Variants in SGCZ observed in about 807,000 individuals in gnomAD.
SGCZ encodes sarcoglycan zeta.
In SGCZ, 40 loss-of-function variants were observed where a neutral mutation model predicts 41.3. That is an observed-to-expected ratio of 0.97 (90% confidence interval 0.75 to 1.26). SGCZ has a LOEUF of 1.26. SGCZ is among the 50% of genes most tolerant of loss of function. The probability of loss-of-function intolerance (pLI) is 0.00; values close to 1 mark genes in which losing one functional copy is unlikely to be tolerated. For synonymous variants in SGCZ, 206 were observed against 137.5 expected (o/e 1.50, Z -3.49); for missense variants, 552 against 369.8 (o/e 1.49, Z -4.04).
chr8:14,118,452 T>C (rs1802593029), intron 5 of SGCZ, among the ~76,000 whole-genome samples: 1 of 152,226 alleles, frequency 6.6e-6, no homozygotes, highest in Non-Finnish European at 1.5e-5. Context: ...TTGTAGATTC[T>C]GGATATTAGC....
chr8:15,116,411 T>C (rs1012696153), intron 1 of SGCZ, among the ~76,000 whole-genome samples: 47 of 152,272 alleles, frequency 3.1e-4, no homozygotes, highest in African/African-American at 9.6e-4. Flanking sequence ...AATTCAAACA[T>C]AGATGTATTC....
At chr8:14,441,304 C>G (rs891962231) in intron 2 of SGCZ, among the ~76,000 whole-genome samples, 1 of 152,196 alleles carries the variant, frequency 6.6e-6, no homozygotes, top group Non-Finnish European at 1.5e-5. Flanking sequence ...TGGCCGGGGA[C>G]AGTGGCTCAC....
rs117348583 is a variant in SGCZ at position 14,762,061 on chromosome 8, G to A, written c.40-207135C>T. Among the ~76,000 whole-genome samples, 23 of 152,268 alleles carry A rather than the reference G, an allele frequency of 1.5e-4. No homozygotes were observed. In the East Asian group the frequency reaches 4.4e-3, roughly 29 times the overall value. On this transcript the variant is annotated intron_variant, in intron 1 of 7. Coordinates refer to ENST00000382080, the MANE Select transcript of SGCZ (RefSeq NM_139167.4). Reference sequence around the variant, plus strand: ...GTGTTGTGAATGAATAGCAAATTGAGACAGATGCCACATTGACATGGAACT... The same window carrying A: ...GTGTTGTGAATGAATAGCAAATTGAAACAGATGCCACATTGACATGGAACT...
chr8:14,171,076 A>G (rs1294039934), intron 4 of SGCZ, among the ~76,000 whole-genome samples: 1 of 150,972 alleles, frequency 6.6e-6, no homozygotes, highest in Admixed American at 6.6e-5. Context: ...TTGCAAACCC[A>G]TTTCTTGAAA....
intron 2 of SGCZ, among the ~76,000 whole-genome samples, chr8:14,494,385 A>C (rs1411378444): frequency 6.6e-6 from 1 of 152,150 alleles, no homozygotes; most frequent in Non-Finnish European, 1.5e-5. Context: ...GAGTGACAGA[A>C]TGTCAGAATC....
At chr8:14,603,099 G>C (rs537509792) in intron 1 of SGCZ, among the ~76,000 whole-genome samples, 2 of 152,234 alleles carry the variant, frequency 1.3e-5, no homozygotes, top group East Asian at 3.9e-4. Flanking sequence ...CATTGTGAAG[G>C]AGCTAGGTGG....
chr8:14,207,363 C>A (rs1805650186), intron 4 of SGCZ, among the ~76,000 whole-genome samples: 1 of 152,132 alleles, frequency 6.6e-6, no homozygotes, highest in African/African-American at 2.4e-5. Context: ...CATATTCTGC[C>A]ATGACAGAGT....
chr8:14,262,127 A>G (rs1177540247), intron 3 of SGCZ, among the ~76,000 whole-genome samples: 1 of 152,152 alleles, frequency 6.6e-6, no homozygotes, highest in East Asian at 1.9e-4. Context: ...AAATGACTAT[A>G]TTTACTGATA....
intron 1 of SGCZ, among the ~76,000 whole-genome samples, chr8:15,121,002 T>A (rs1235231387): frequency 1.3e-5 from 2 of 152,228 alleles, no homozygotes; most frequent in Non-Finnish European, 2.9e-5. Flanking sequence ...ATTTCATTTA[T>A]CTGAACACAT....
At chr8:15,100,779 T>G (rs1021830071) in intron 1 of SGCZ, among the ~76,000 whole-genome samples, 1 of 152,032 alleles carries the variant, frequency 6.6e-6, no homozygotes, top group Non-Finnish European at 1.5e-5. Flanking sequence ...CCCCAGAAAT[T>G]CAAGTCCGGC....
At chr8:14,757,748 A>G (rs1799725148) in intron 1 of SGCZ, among the ~76,000 whole-genome samples, 1 of 152,218 alleles carries the variant, frequency 6.6e-6, no homozygotes, top group Non-Finnish European at 1.5e-5. Flanking sequence ...TACTTTGTTA[A>G]TAAACCTTAA....
intron 2 of SGCZ, among the ~76,000 whole-genome samples, chr8:14,386,348 G>A (rs1197273854): frequency 6.6e-6 from 1 of 150,838 alleles, no homozygotes; most frequent in Non-Finnish European, 1.5e-5. Flanking sequence ...CTATGAAAGA[G>A]AAATACACAT....
intron 7 of SGCZ, among the ~76,000 whole-genome samples, chr8:14,095,364 C>T (rs1801811138): frequency 6.6e-6 from 1 of 152,150 alleles, no homozygotes; most frequent in Non-Finnish European, 1.5e-5. Flanking sequence ...TTCCCAACAC[C>T]ATTTATTAAA....
rs115164990 is a variant in SGCZ, at chr8:14,629,218, C to T, written c.40-74292G>A. Among the ~76,000 whole-genome samples, 787 of 152,188 alleles carry T rather than the reference C, an allele frequency of 5.2e-3. 7 individuals carry two copies. Among genetic ancestry groups the T allele is most frequent in the African/African-American group, 0.016 (661 of 41,546 alleles). Reference sequence around the variant, plus strand: ...CAGCCTTCCAATACTTTGATTACTTCACTGTAGAATGGAGTTACTAAAAGT... The same window carrying T: ...CAGCCTTCCAATACTTTGATTACTTTACTGTAGAATGGAGTTACTAAAAGT... On this transcript the variant is annotated intron_variant, in intron 1 of 7. Coordinates refer to ENST00000382080, the MANE Select transcript of SGCZ (RefSeq NM_139167.4).
At chr8:14,564,426 G>C (rs969511605) in intron 1 of SGCZ, among the ~76,000 whole-genome samples, 1 of 152,168 alleles carries the variant, frequency 6.6e-6, no homozygotes, top group Admixed American at 6.5e-5. Context: ...TCAGATCCCA[G>C]CTTGTCCATT....
intron 2 of SGCZ, among the ~76,000 whole-genome samples, chr8:14,485,419 G>A (rs1801645947): frequency 6.6e-6 from 1 of 152,040 alleles, no homozygotes. Flanking sequence ...TGTGTTTTTA[G>A]TAGAGATGGT....
chr8:14,564,142 T>C (rs951908066), intron 1 of SGCZ, among the ~76,000 whole-genome samples: 2 of 152,042 alleles, frequency 1.3e-5, no homozygotes, highest in Non-Finnish European at 2.9e-5. Context: ...AGAAATTGCT[T>C]TTAATTTCTG....
intron 2 of SGCZ, among the ~76,000 whole-genome samples, chr8:14,342,880 T>G (rs965797307): frequency 1.1e-4 from 16 of 152,120 alleles, no homozygotes; most frequent in Non-Finnish European, 1.9e-4. Flanking sequence ...CCGAAGGCCC[T>G]CTCTTCACAG....
intron 1 of SGCZ, among the ~76,000 whole-genome samples, chr8:14,821,400 C>A (rs1802078324): frequency 6.6e-6 from 1 of 151,974 alleles, no homozygotes; most frequent in African/African-American, 2.4e-5. Context: ...ATTAAAAGAA[C>A]TAATACCAAT....
Sources: allele counts gnomAD v4.1 joint callset (sites outside exome capture counted in the v4.1 genomes callset), GRCh38; gene constraint gnomAD v4.1.1; transcripts MANE v1.5; gene names NCBI Gene and HGNC (gene_info 2026-07-23, HGNC 2026-07-21).